BICDL1: variants seen among roughly 807,000 people sequenced by gnomAD.
BICDL1 encodes BICD family like cargo adaptor 1.
Under a neutral mutation model 76.8 loss-of-function variants are expected in BICDL1, and 20 were observed. The observed-to-expected ratio is 0.26, with a 90% confidence interval of 0.18 to 0.38. The LOEUF is 0.38. Ranked by LOEUF, BICDL1 falls within the 10% of genes least tolerant of loss-of-function variation. The pLI, the probability that BICDL1 is intolerant of heterozygous loss-of-function variation, is 1.00. For synonymous variants in BICDL1, 383 were observed against 337.1 expected (o/e 1.14, Z -1.49); for missense variants, 700 against 798.6 (o/e 0.88, Z 1.49).
chr12:120,080,912 C>G lies in BICDL1; in HGVS notation c.1478C>G (p.Thr493Ser). The change falls in exon 8 of 10, where the codon ACT becomes AGT. Residue 493 changes from threonine to serine, a missense_variant. Physicochemically the swap from Thr to Ser is moderately conservative, Grantham distance 58 (BLOSUM62 1). Coordinates refer to ENST00000548673, the MANE Select transcript of BICDL1 (RefSeq NM_001367886.1). ...GTGACACTGCTGAGTGTGGAGATGA[C>G]TGCCCTAAAAGAGGAGAGAGACCGA... Reference protein sequence around the residue: ...SQVTLLSVEMTALKEERDRLR... With the variant: ...SQVTLLSVEMSALKEERDRLR... 1 of 1,613,636 alleles carries G rather than the reference C, an allele frequency of 6.2e-7. No homozygotes were observed. Among genetic ancestry groups the G allele is most frequent in the Non-Finnish European group, 8.5e-7 (1 of 1,179,838 alleles).
intron 3 of BICDL1, among the ~76,000 whole-genome samples, chr12:120,062,581 G>A (rs142783076): frequency 2.6e-5 from 4 of 152,274 alleles, no homozygotes; most frequent in East Asian, 3.9e-4. Flanking sequence ...CCACTGTGAC[G>A]AAGCGATCTG....
At chr12:120,060,447 G>A (rs1173741347) in intron 2 of BICDL1, among the ~76,000 whole-genome samples, 2 of 152,178 alleles carry the variant, frequency 1.3e-5, no homozygotes, top group Non-Finnish European at 2.9e-5. Context: ...ACTTCATGTA[G>A]CTCTGAACTT....
chr12:120,049,979 T>C (rs1386751544), intron 2 of BICDL1, among the ~76,000 whole-genome samples: 1 of 152,212 alleles, frequency 6.6e-6, no homozygotes, highest in East Asian at 1.9e-4. Context: ...TGTGTTGTTG[T>C]TCCTTTTAAT....
Position 120,055,835 on chromosome 12 carries a change from A to G in BICDL1, c.646-5875A>G, listed in dbSNP as rs144289647. Reference sequence around the variant, plus strand: ...GTGTATTTGTACTGTTGATAGGGATATAAATTGATGCAACCTTTTTAGAGG... The same window carrying G: ...GTGTATTTGTACTGTTGATAGGGATGTAAATTGATGCAACCTTTTTAGAGG... On this transcript the variant is annotated intron_variant, in intron 2 of 9. Transcript: ENST00000548673. Among the ~76,000 whole-genome samples, 388 of 152,378 alleles carry G rather than the reference A, an allele frequency of 2.5e-3. 1 individual carries two copies. The highest frequency in any genetic ancestry group is 9.0e-3 in the African/African-American group (375 of 41,596).
chr12:120,042,056 G>C (rs1259675515), intron 2 of BICDL1, among the ~76,000 whole-genome samples: 9 of 152,066 alleles, frequency 5.9e-5, no homozygotes. Flanking sequence ...GGGAGACCAA[G>C]TAGGTGGCAC....
intron 2 of BICDL1, among the ~76,000 whole-genome samples, chr12:120,036,054 A>G (rs929017498): frequency 2.1e-4 from 32 of 152,210 alleles, no homozygotes; most frequent in African/African-American, 6.8e-4. Flanking sequence ...GCTTTGGTAT[A>G]TTATATTTCA....
At chr12:120,044,189 G>C (rs546602549) in intron 2 of BICDL1, among the ~76,000 whole-genome samples, 3 of 152,336 alleles carry the variant, frequency 2.0e-5, no homozygotes, top group African/African-American at 7.2e-5. Context: ...GTGACCACCA[G>C]TTTGGAAAGC....
chr12:120,021,923 TA>T (rs1952191534), intron 2 of BICDL1, among the ~76,000 whole-genome samples: 4 of 133,660 alleles, frequency 3.0e-5, no homozygotes, highest in African/African-American at 1.1e-4. Context: ...TAAAATAAAA[TA>T]AAATAAATAA....
intron 2 of BICDL1, among the ~76,000 whole-genome samples, chr12:120,002,023 CT>C (rs1270519550): frequency 6.6e-6 from 1 of 152,090 alleles, no homozygotes; most frequent in African/African-American, 2.4e-5. Context: ...CAGAGTGAGA[CT>C]TTGTCTCTTA....
At chr12:120,014,107 A>C (rs780557865) in intron 2 of BICDL1, among the ~76,000 whole-genome samples, 5 of 152,230 alleles carry the variant, frequency 3.3e-5, no homozygotes, top group African/African-American at 4.8e-5. Flanking sequence ...AACAAGGTGT[A>C]AAAATCTTTG....
intron 5 of BICDL1, 143 bp from the exon 6 acceptor site, chr12:120,072,368 A>G: frequency 1.9e-6 from 1 of 515,962 alleles, no homozygotes; most frequent in African/African-American, 2.7e-5. Context: ...CAAATGAGTT[A>G]AAAAAAAAAC....
At chr12:120,072,376 A>T (rs936825002) in intron 5 of BICDL1, 135 bp from the exon 6 acceptor site, 1 of 755,308 alleles carries the variant, frequency 1.3e-6, no homozygotes, top group Admixed American at 2.7e-5. Flanking sequence ...TTAAAAAAAA[A>T]ACACAGAACA....
At chr12:120,076,110 G>C (rs1810941332) in intron 7 of BICDL1, among the ~76,000 whole-genome samples, 1 of 152,242 alleles carries the variant, frequency 6.6e-6, no homozygotes. Context: ...AATGAGTTGA[G>C]ATCGTGCCAC....
chr12:120,009,360 A>G (rs1200649363), intron 2 of BICDL1, among the ~76,000 whole-genome samples: 2 of 152,190 alleles, frequency 1.3e-5, no homozygotes, highest in Non-Finnish European at 2.9e-5. Context: ...GTGGGCTACA[A>G]GTATCTAGTT....
chr12:120,075,429 T>A (rs763824057), intron 7 of BICDL1, among the ~76,000 whole-genome samples: 3 of 151,726 alleles, frequency 2.0e-5, no homozygotes, highest in Non-Finnish European at 2.9e-5. Context: ...AGGGTTTCAC[T>A]CTTGCCCAGG....
chr12:120,093,123 G>A lies in BICDL1; in HGVS notation c.1828G>A (p.Glu610Lys), dbSNP rs779451987. The change falls in exon 10 of 10, where the codon GAA becomes AAA. Residue 610 changes from glutamate to lysine, a missense_variant. Physicochemically the swap from Glu to Lys is moderately conservative, Grantham distance 56. Coordinates refer to ENST00000548673, the MANE Select transcript of BICDL1 (RefSeq NM_001367886.1). ...AGRGDEPSIA[E>K]GKRLFSFFRK... ...GCGGGGGGATGAGCCCAGCATCGCTGAAGGCAAACGACTCTTCTCATTCTT... is the reference window on the plus strand; with the variant it reads ...GCGGGGGGATGAGCCCAGCATCGCTAAAGGCAAACGACTCTTCTCATTCTT... 4 of 1,606,484 alleles carry A rather than the reference G, an allele frequency of 2.5e-6. No homozygotes were observed. Among genetic ancestry groups the A allele is most frequent in the Non-Finnish European group, 3.4e-6 (4 of 1,175,696 alleles).
At chr12:120,024,681 C>CTCTT (rs141249960) in intron 2 of BICDL1, among the ~76,000 whole-genome samples, 7 of 150,548 alleles carry the variant, frequency 4.6e-5, no homozygotes, top group East Asian at 1.9e-4. Flanking sequence ...TATTTAAATC[C>CTCTT]TCTTTCTTTC....
In BICDL1 at chr12:120,071,316, AT is replaced by A; in HGVS notation, c.910-301del. Among the ~76,000 whole-genome samples the A allele has an allele frequency of 6.7e-6, 1 of 149,442 alleles. No homozygotes were observed. The highest frequency in any genetic ancestry group is 2.0e-4 in the East Asian group (1 of 4,912). ...GCCACCACGCCCAGCTAATTTTTGT[AT>A]TTTTAGTAGAGGCAGGGTTTCATCA... On this transcript the variant is annotated intron_variant, in intron 4 of 9. Coordinates refer to ENST00000548673, the MANE Select transcript of BICDL1 (RefSeq NM_001367886.1). This position sits in a 1 kb window ranked among gnomAD's most constrained non-coding sequence, Gnocchi z 4.8.
intron 2 of BICDL1, among the ~76,000 whole-genome samples, chr12:120,047,417 A>C (rs1325433564): frequency 6.6e-6 from 1 of 152,186 alleles, no homozygotes; most frequent in African/African-American, 2.4e-5. Flanking sequence ...CCTTCATGCA[A>C]ATTGTATCTT....
Sources: allele counts gnomAD v4.1 joint callset (sites outside exome capture counted in the v4.1 genomes callset), GRCh38; gene constraint gnomAD v4.1.1; non-coding constraint Gnocchi (gnomAD v3.1); transcripts MANE v1.5; gene names NCBI Gene and HGNC (gene_info 2026-07-23, HGNC 2026-07-21).